The following HECTD4 variants were observed in gnomAD, a reference collection of about 807,000 sequenced individuals.
HECTD4 encodes probable E3 ubiquitin-protein ligase HECTD4.
In HECTD4, 114 loss-of-function variants were observed where a neutral mutation model predicts 471.5. The ratio of observed to expected loss-of-function variants is 0.24; its 90% confidence interval spans 0.21 to 0.28. HECTD4 has a LOEUF of 0.28. HECTD4 is among the 10% of genes least tolerant of loss of function. The pLI, the probability that HECTD4 is intolerant of heterozygous loss-of-function variation, is 1.00. For synonymous variants in HECTD4, 2,012 were observed against 2,256.0 expected (o/e 0.89, Z 3.07); for missense variants, 3,866 against 5,651.5 (o/e 0.68, Z 10.13).
intron 60 of HECTD4, among the ~76,000 whole-genome samples, chr12:112,187,723 T>C (rs2031925840): frequency 6.8e-6 from 1 of 147,154 alleles, no homozygotes; most frequent in Non-Finnish European, 1.5e-5. Context: ...GCCTCCTGGG[T>C]TCACACCATT....
chr12:112,343,119 T>C (rs1354156315), intron 1 of HECTD4, among the ~76,000 whole-genome samples: 2 of 152,200 alleles, frequency 1.3e-5, no homozygotes, highest in African/African-American at 4.8e-5. Context: ...CAAAGACATG[T>C]CAAATCTTTT....
chr12:112,363,520 T>C (rs1038669344), intron 1 of HECTD4, among the ~76,000 whole-genome samples: 2 of 152,192 alleles, frequency 1.3e-5, no homozygotes, highest in Admixed American at 6.6e-5. Flanking sequence ...TACTTGATCA[T>C]AGAACAACTA....
At chr12:112,250,897 C>A in intron 24 of HECTD4, 74 bp downstream of exon 24, 3 of 1,430,048 alleles carry the variant, frequency 2.1e-6, no homozygotes, top group Non-Finnish European at 2.8e-6. Flanking sequence ...GGGAAATGTA[C>A]CAAAAGGATT....
intron 1 of HECTD4, among the ~76,000 whole-genome samples, chr12:112,375,434 C>T (rs1457296297): frequency 6.6e-6 from 1 of 152,124 alleles, no homozygotes; most frequent in Non-Finnish European, 1.5e-5. Flanking sequence ...ATATGAGAAG[C>T]ACTAACCAAA....
chr12:112,243,294 C>G lies in HECTD4; in HGVS notation c.4958+59G>C. ...CCTATGTTTGGGTCCCAAGAATAAT[C>G]TTTTGAATGGCTCTGACCATTCTAG... is the stretch of plus-strand genomic sequence containing the variant. On this transcript the variant is annotated intron_variant, in intron 32 of 75. Transcript: ENST00000682272. The surrounding 1 kb of genome is among the most constrained non-coding windows in gnomAD (Gnocchi z 6.6). The G allele has an allele frequency of 6.8e-7, 1 of 1,461,676 alleles. No homozygotes were observed. Among genetic ancestry groups the G allele is most frequent in the Non-Finnish European group, 9.3e-7 (1 of 1,071,008 alleles). The allele number at this position is 1,461,676 out of a possible 1,614,324, so 90.5% of individuals were successfully genotyped here. A position where few individuals can be genotyped will look rare whatever the true frequency, so the allele number is the denominator to read the frequency against.
intron 32 of HECTD4, among the ~76,000 whole-genome samples, chr12:112,242,554 C>T (rs930799750): frequency 1.7e-4 from 26 of 149,920 alleles, no homozygotes; most frequent in African/African-American, 6.2e-4. Context: ...GTCAAGGCTG[C>T]AGTGAGCCAT....
chr12:112,206,727 G>A (rs182618644), intron 52 of HECTD4, among the ~76,000 whole-genome samples: 15 of 151,994 alleles, frequency 9.9e-5, no homozygotes, highest in Non-Finnish European at 1.9e-4. Context: ...TAGTAGAGAC[G>A]GGGTTTCACC....
At chr12:112,207,795 G>T in intron 52 of HECTD4, 79 bp downstream of exon 52, 1 of 1,527,064 alleles carries the variant, frequency 6.5e-7, no homozygotes, top group Non-Finnish European at 9.0e-7. Flanking sequence ...AGTCTCTCCT[G>T]ATTTACATTC....
chr12:112,266,044 T>G, intron 14 of HECTD4, 61 bp from the exon 15 acceptor site: 1 of 1,214,354 alleles, frequency 8.2e-7, no homozygotes, highest in Non-Finnish European at 1.2e-6. Flanking sequence ...ACTGATGCTA[T>G]TTTTAAAAAG....
At chr12:112,237,449 T>G (rs1035773223) in intron 34 of HECTD4, among the ~76,000 whole-genome samples, 2 of 152,226 alleles carry the variant, frequency 1.3e-5, no homozygotes, top group Non-Finnish European at 2.9e-5. Context: ...CCTTTCTGGA[T>G]TCTTCCATGT....
intron 39 of HECTD4, 47 bp downstream of exon 39, chr12:112,231,466 G>A (rs2033377805): frequency 1.9e-6 from 3 of 1,564,892 alleles, no homozygotes; most frequent in Non-Finnish European, 2.6e-6. Flanking sequence ...CCATTATAAA[G>A]TAAACCTGAG....
intron 70 of HECTD4, among the ~76,000 whole-genome samples, chr12:112,168,977 G>A (rs941778884): frequency 6.6e-6 from 1 of 152,188 alleles, no homozygotes; most frequent in Admixed American, 6.5e-5. Flanking sequence ...CTGGGTGGGG[G>A]CTCCCTCCTG....
chr12:112,197,813 C>G (rs1340035444), intron 55 of HECTD4, among the ~76,000 whole-genome samples: 1 of 152,176 alleles, frequency 6.6e-6, no homozygotes, highest in African/African-American at 2.4e-5. Context: ...TTTAATAATA[C>G]CATGTTGATA....
At chr12:112,342,905 C>T (rs2036077895) in intron 1 of HECTD4, among the ~76,000 whole-genome samples, 1 of 152,172 alleles carries the variant, frequency 6.6e-6, no homozygotes, top group African/African-American at 2.4e-5. Flanking sequence ...GCATAAATCA[C>T]AACCAAAAAA....
At chr12:112,195,272 A>C (rs1402783196) in intron 55 of HECTD4, among the ~76,000 whole-genome samples, 1 of 152,240 alleles carries the variant, frequency 6.6e-6, no homozygotes, top group Non-Finnish European at 1.5e-5. Context: ...CAGCTCAAAA[A>C]AGCACTGTAG....
At position 112,216,820 on chromosome 12, in the gene HECTD4, C is replaced by T; in HGVS notation, c.7338G>A (p.Lys2446=). The T allele has an allele frequency of 6.2e-7, 1 of 1,614,026 alleles. No individual in the cohort carries two copies. Among genetic ancestry groups the T allele is most frequent in the African/African-American group, 1.3e-5 (1 of 75,068 alleles). The part of the protein sequence containing the change: ...VSFGFTTEAE[K]RDGAWTNPVG... ...CTGGATTAGTCCAAGCCCCATCTCG[C>T]TTCTCTGCTTCTGTAGTGAAGCCAA... Residue 2446 remains lysine, a synonymous_variant, in exon 47 of 76, where the codon AAG becomes AAA. Transcript: ENST00000682272.
chr12:112,180,368 T>C (rs576492951), intron 62 of HECTD4, among the ~76,000 whole-genome samples: 6 of 152,092 alleles, frequency 3.9e-5, no homozygotes, highest in South Asian at 2.1e-4. Flanking sequence ...GGCAATATGG[T>C]GAAGCAAAAT....
intron 21 of HECTD4, among the ~76,000 whole-genome samples, chr12:112,255,141 G>C (rs569120545): frequency 6.6e-6 from 1 of 152,122 alleles, no homozygotes; most frequent in Admixed American, 6.5e-5. Context: ...ATAAGTTAGC[G>C]CATATTGGAA....
At position 112,188,492 on chromosome 12, in the gene HECTD4, T is replaced by C. The variant is rs1181016137; in HGVS notation, c.9472+2294A>G. 6.6e-6 allele frequency among the ~76,000 whole-genome samples: 1 copy of C among 151,966 alleles called. No individual in the cohort carries two copies. Among genetic ancestry groups the C allele is most frequent in the East Asian group, 1.9e-4 (1 of 5,180 alleles). On this transcript the variant is annotated intron_variant, in intron 60 of 75. Transcript: ENST00000682272. This position sits in a 1 kb window ranked among gnomAD's most constrained non-coding sequence, Gnocchi z 4.2. Reference sequence around the variant, plus strand: ...CATAGTCATGTACCCTGGATCTGAGTGGAAAGAGAGAAAGCTCATGTACGT... The same window carrying C: ...CATAGTCATGTACCCTGGATCTGAGCGGAAAGAGAGAAAGCTCATGTACGT...
Sources: gnomAD v4.1 joint callset for allele counts (sites outside exome capture counted in the v4.1 genomes callset) on GRCh38, gnomAD v4.1.1 for gene constraint, Gnocchi (gnomAD v3.1) non-coding constraint, MANE v1.5 for transcripts, NCBI Gene and HGNC (gene_info 2026-07-23, HGNC 2026-07-21) for gene names.